The following OPRD1 variants were observed in gnomAD, a reference collection of about 807,000 sequenced individuals.
OPRD1 encodes delta-type opioid receptor.
A neutral mutation model predicts 17.5 loss-of-function variants in OPRD1; 19 were observed. That is an observed-to-expected ratio of 1.09 (90% CI 0.76 to 1.60). The LOEUF (loss-of-function observed/expected upper bound fraction) is 1.60. OPRD1 is among the 40% of genes most tolerant of loss of function. The probability of loss-of-function intolerance (pLI) is 0.00; values close to 1 mark genes in which losing one functional copy is unlikely to be tolerated. For missense variants in OPRD1, 483 were observed against 547.2 expected, an observed-to-expected ratio of 0.88 and a Z score of 1.17; for synonymous variants, 256 against 240.9, an observed-to-expected ratio of 1.06 and a Z score of -0.58.
At chr1:28,817,796 C>T (rs1211336929) in intron 1 of OPRD1, among the ~76,000 whole-genome samples, 1 of 150,398 alleles carries the variant, frequency 6.6e-6, no homozygotes, top group Non-Finnish European at 1.5e-5. Flanking sequence ...CCTCTGCCTC[C>T]CTGGTTCAAG....
intron 2 of OPRD1, among the ~76,000 whole-genome samples, chr1:28,861,990 C>T (rs34563832): frequency 0.47 from 71,025 of 150,070 alleles, 19,195 homozygotes; most frequent in East Asian, 0.77. Flanking sequence ...CGGCTCACTG[C>T]AAACTCCACC....
In OPRD1 at chr1:28,856,833, C is replaced by T. The variant is rs116622820; in HGVS notation, c.228-2121C>T. Among the ~76,000 whole-genome samples, 713 of 152,300 alleles carry T rather than the reference C, an allele frequency of 4.7e-3. 3 individuals carry two copies. Among genetic ancestry groups the T allele is most frequent in the Non-Finnish European group, 8.5e-3 (580 of 68,028 alleles). On this transcript the variant is annotated intron_variant, in intron 1 of 2. Transcript: ENST00000234961. Reference sequence around the variant, plus strand: ...TAGACATCTGGCCTGGACCCCTGGGCTCATGCCTTGGGTTGGATGTGTGAC... The same window carrying T: ...TAGACATCTGGCCTGGACCCCTGGGTTCATGCCTTGGGTTGGATGTGTGAC...
At chr1:28,825,542 C>T (rs553962809) in intron 1 of OPRD1, among the ~76,000 whole-genome samples, 1 of 152,332 alleles carries the variant, frequency 6.6e-6, no homozygotes, top group African/African-American at 2.4e-5. Context: ...CACGCCACCA[C>T]ATCCGGCTAA....
intron 1 of OPRD1, among the ~76,000 whole-genome samples, chr1:28,851,403 T>C (rs1019191380): frequency 3.3e-5 from 5 of 152,164 alleles, no homozygotes; most frequent in African/African-American, 9.7e-5. Flanking sequence ...AGCAAGGGTG[T>C]AAAAATTCTA....
intron 1 of OPRD1, among the ~76,000 whole-genome samples, chr1:28,831,781 T>A (rs1397151584): frequency 6.6e-6 from 1 of 151,960 alleles, no homozygotes; most frequent in East Asian, 1.9e-4. Context: ...CCAGTGATCC[T>A]CCTGCCTTGG....
chr1:28,852,038 G>A (rs1466446821), intron 1 of OPRD1, among the ~76,000 whole-genome samples: 1 of 148,452 alleles, frequency 6.7e-6, no homozygotes, highest in Non-Finnish European at 1.5e-5. Flanking sequence ...GTGGTGGCGG[G>A]TGCCTGTAGT....
At chr1:28,819,978 C>G (rs2088698391) in intron 1 of OPRD1, among the ~76,000 whole-genome samples, 1 of 152,132 alleles carries the variant, frequency 6.6e-6, no homozygotes, top group Admixed American at 6.6e-5. Context: ...CCTCTCTGAG[C>G]CTCAGCTTTA....
intron 1 of OPRD1, among the ~76,000 whole-genome samples, chr1:28,820,955 A>C (rs2088708527): frequency 6.6e-6 from 1 of 152,084 alleles, no homozygotes; most frequent in Non-Finnish European, 1.5e-5. Flanking sequence ...AAAGGTAACA[A>C]ACTTATTTCA....
Position 28,866,793 on chromosome 1 carries a change from A to G in OPRD1, c.*3510A>G, listed in dbSNP as rs2089178495. ...CTTTTGTTCCTCCTGAAGCTCTCCAAATCTTCACGTTTCAGAATGTACTGT... is the reference window on the plus strand; with the variant it reads ...CTTTTGTTCCTCCTGAAGCTCTCCAGATCTTCACGTTTCAGAATGTACTGT... On this transcript the variant is annotated 3_prime_UTR_variant, in exon 3 of 3. Transcript: ENST00000234961. 6.6e-6 allele frequency: 1 copy of G among 152,172 alleles called. No homozygotes were observed. The highest frequency in any genetic ancestry group is 1.5e-5 in the Non-Finnish European group (1 of 68,030). 9.4% of individuals were successfully genotyped at this position (152,172 alleles called of 1,614,324 possible). A position where few individuals can be genotyped will look rare whatever the true frequency, so the allele number is the denominator to read the frequency against.
chr1:28,856,374 G>A (rs1202138568), intron 1 of OPRD1, among the ~76,000 whole-genome samples: 8 of 152,180 alleles, frequency 5.3e-5, no homozygotes, highest in Non-Finnish European at 7.3e-5. Context: ...GATAAAGATC[G>A]CTCAGATCTG....
At chr1:28,840,336 C>G (rs2088885604) in intron 1 of OPRD1, among the ~76,000 whole-genome samples, 1 of 152,124 alleles carries the variant, frequency 6.6e-6, no homozygotes, top group African/African-American at 2.4e-5. Flanking sequence ...TCACTGCAGC[C>G]TCTACTTCCT....
chr1:28,823,615 C>T (rs1381750945), intron 1 of OPRD1, among the ~76,000 whole-genome samples: 8 of 151,904 alleles, frequency 5.3e-5, no homozygotes, highest in Non-Finnish European at 8.8e-5. Context: ...GGGCTGGTCT[C>T]GAGCTCCAGA....
chr1:28,862,966 G>A lies in OPRD1; in HGVS notation c.802G>A (p.Gly268Ser). 2 of 1,612,024 alleles carry A rather than the reference G, an allele frequency of 1.2e-6. No individual in the cohort carries two copies. The highest frequency in any genetic ancestry group is 3.3e-5 in the Admixed American group (2 of 59,718). Reference sequence around the variant, plus strand: ...CACGCGCATGGTGCTGGTGGTTGTGGGCGCCTTCGTGGTGTGTTGGGCGCC... The same window carrying A: ...CACGCGCATGGTGCTGGTGGTTGTGAGCGCCTTCGTGGTGTGTTGGGCGCC... Reference protein sequence around the residue: ...RITRMVLVVVGAFVVCWAPIH... With the variant: ...RITRMVLVVVSAFVVCWAPIH... Residue 268 changes from glycine (G) to serine (S), a missense_variant, in exon 3 of 3, where the codon GGC becomes AGC. Gly to Ser is a moderately conservative substitution (Grantham distance 56). Transcript: ENST00000234961.
chr1:28,849,966 G>A lies in OPRD1; in HGVS notation c.228-8988G>A, dbSNP rs1407189640. On this transcript the variant is annotated intron_variant, in intron 1 of 2. Coordinates refer to ENST00000234961, the MANE Select transcript of OPRD1 (RefSeq NM_000911.4). ...GCGATCTCGGCTCACTGCAAGCTCCGCCTCCCAGGTTCACGCCATTCTCCT... is the reference window on the plus strand; with the variant it reads ...GCGATCTCGGCTCACTGCAAGCTCCACCTCCCAGGTTCACGCCATTCTCCT... Among the ~76,000 whole-genome samples, 7 of 142,166 alleles carry A rather than the reference G, an allele frequency of 4.9e-5. No individual in the cohort carries two copies. The South Asian group carries it at 9.2e-4, about 19-fold the overall frequency. 93.3% of individuals were successfully genotyped at this position (142,166 alleles called of 152,430 possible).
chr1:28,819,277 C>G (rs1411983013), intron 1 of OPRD1, among the ~76,000 whole-genome samples: 1 of 150,594 alleles, frequency 6.6e-6, no homozygotes, highest in Non-Finnish European at 1.5e-5. Flanking sequence ...ATAGCAAGAC[C>G]CCATTTCAAA....
intron 1 of OPRD1, among the ~76,000 whole-genome samples, chr1:28,823,643 C>A (rs2088735989): frequency 6.6e-6 from 1 of 151,946 alleles, no homozygotes; most frequent in South Asian, 2.1e-4. Context: ...ATCCGCCTGC[C>A]TTGGTCTCCC....
At chr1:28,819,368 C>G (rs2088693935) in intron 1 of OPRD1, among the ~76,000 whole-genome samples, 1 of 152,122 alleles carries the variant, frequency 6.6e-6, no homozygotes, top group South Asian at 2.1e-4. Flanking sequence ...AGCAGCAGCC[C>G]TGGCTGCTGT....
At chr1:28,858,524 G>C (rs1354790862) in intron 1 of OPRD1, among the ~76,000 whole-genome samples, 1 of 150,338 alleles carries the variant, frequency 6.7e-6, no homozygotes, top group Non-Finnish European at 1.5e-5. Flanking sequence ...CAGGGTTCTA[G>C]TCCCACCTTT....
chr1:28,839,456 C>T (rs765539827), intron 1 of OPRD1, among the ~76,000 whole-genome samples: 1 of 152,130 alleles, frequency 6.6e-6, no homozygotes, highest in African/African-American at 2.4e-5. Flanking sequence ...TCTGAGAGCT[C>T]GAACAGCATT....
Sources: gnomAD v4.1 joint callset for allele counts (sites outside exome capture counted in the v4.1 genomes callset) on GRCh38, gnomAD v4.1.1 for gene constraint, MANE v1.5 for transcripts, NCBI Gene and HGNC (gene_info 2026-07-23, HGNC 2026-07-21) for gene names.